CTNNA2: variants seen among roughly 807,000 people sequenced by gnomAD.
CTNNA2 encodes the protein catenin alpha 2, also known as catenin alpha-2.
In CTNNA2, 42 loss-of-function variants were observed where a neutral mutation model predicts 101.0. The observed-to-expected ratio is 0.42, with a 90% CI of 0.32 to 0.54. CTNNA2 has a LOEUF of 0.54. Among genes scored for constraint, CTNNA2 ranks in the 20% least tolerant of loss-of-function variants. The pLI, the probability that CTNNA2 is intolerant of heterozygous loss-of-function variation, is 0.14. For synonymous variants in CTNNA2, 450 were observed against 456.4 expected (o/e 0.99, Z 0.18); for missense variants, 871 against 1,223.1 (o/e 0.71, Z 4.29).
At chr2:79,337,033 C>G (rs1414527979) in intron 3 of CTNNA2, among the ~76,000 whole-genome samples, 1 of 152,176 alleles carries the variant, frequency 6.6e-6, no homozygotes, top group Non-Finnish European at 1.5e-5. Flanking sequence ...TGTTCCTCTA[C>G]TAGATGCCTT....
chr2:80,106,732 G>C (rs973840896), intron 7 of CTNNA2, among the ~76,000 whole-genome samples: 1 of 152,108 alleles, frequency 6.6e-6, no homozygotes, highest in Non-Finnish European at 1.5e-5. Flanking sequence ...TTCGCTGGCA[G>C]GTGCTTGAAA....
intron 1 of CTNNA2, among the ~76,000 whole-genome samples, chr2:79,520,327 A>G (rs1238924815): frequency 6.6e-6 from 1 of 152,194 alleles, no homozygotes; most frequent in Non-Finnish European, 1.5e-5. Context: ...ATCACAGAAT[A>G]TGTGCTCATT....
At chr2:79,262,809 G>A (rs1674940487) in intron 2 of CTNNA2, among the ~76,000 whole-genome samples, 2 of 152,076 alleles carry the variant, frequency 1.3e-5, no homozygotes, top group African/African-American at 4.8e-5. Flanking sequence ...TAATCAGCAG[G>A]TAAATTTAAT....
intron 7 of CTNNA2, among the ~76,000 whole-genome samples, chr2:80,032,333 A>G (rs1366662116): frequency 2.0e-5 from 3 of 152,186 alleles, no homozygotes; most frequent in Non-Finnish European, 4.4e-5. Context: ...ATGAAATATG[A>G]CTAAACAGAA....
At chr2:79,300,213 C>T (rs528169658) in intron 2 of CTNNA2, among the ~76,000 whole-genome samples, 1 of 152,246 alleles carries the variant, frequency 6.6e-6, no homozygotes, top group South Asian at 2.1e-4. Flanking sequence ...ACCCCGGCAA[C>T]CAGTGATGTT....
intron 7 of CTNNA2, among the ~76,000 whole-genome samples, chr2:79,912,759 C>T (rs899054069): frequency 3.9e-5 from 6 of 152,070 alleles, no homozygotes; most frequent in Non-Finnish European, 7.4e-5. Context: ...GGATGCGCGG[C>T]CTATAGATGT....
chr2:79,198,881 AT>A (rs1469459511), intron 2 of CTNNA2, among the ~76,000 whole-genome samples: 2 of 147,962 alleles, frequency 1.4e-5, no homozygotes, highest in East Asian at 4.2e-4. Context: ...TGTGTTTAAG[AT>A]TTTTATTTAA....
chr2:79,258,466 T>A (rs894637821), intron 2 of CTNNA2, among the ~76,000 whole-genome samples: 15 of 152,158 alleles, frequency 9.9e-5, no homozygotes, highest in African/African-American at 3.6e-4. Flanking sequence ...GCTCTGGACT[T>A]GAATCTGTAA....
chr2:80,223,274 G>A (rs554587232), intron 7 of CTNNA2, among the ~76,000 whole-genome samples: 2 of 152,270 alleles, frequency 1.3e-5, no homozygotes, highest in African/African-American at 2.4e-5. Flanking sequence ...TCAATAAAGC[G>A]ATAAACGAAA....
intron 7 of CTNNA2, among the ~76,000 whole-genome samples, chr2:80,085,306 C>T (rs964091450): frequency 5.3e-5 from 8 of 151,990 alleles, no homozygotes; most frequent in Non-Finnish European, 7.4e-5. Context: ...TGCACTTGTC[C>T]CCCAGAGCTT....
chr2:80,540,150 C>T (rs538631363), intron 9 of CTNNA2, among the ~76,000 whole-genome samples: 1 of 152,266 alleles, frequency 6.6e-6, no homozygotes, highest in African/African-American at 2.4e-5. Context: ...TCCACCATTC[C>T]TTTCCTCCTC....
chr2:79,341,675 T>C (rs1040378807), intron 3 of CTNNA2, among the ~76,000 whole-genome samples: 13 of 152,216 alleles, frequency 8.5e-5, no homozygotes, highest in Admixed American at 7.2e-4. Flanking sequence ...ATAATATGTC[T>C]CTCTTCAGAG....
chr2:79,579,539 G>A (rs371324095), intron 1 of CTNNA2, among the ~76,000 whole-genome samples: 1 of 152,146 alleles, frequency 6.6e-6, no homozygotes, highest in African/African-American at 2.4e-5. Context: ...AAATATAAAT[G>A]TATTTGCTTG....
At chr2:80,174,267 G>C (rs1320628031) in intron 7 of CTNNA2, among the ~76,000 whole-genome samples, 1 of 152,134 alleles carries the variant, frequency 6.6e-6, no homozygotes, top group Non-Finnish European at 1.5e-5. Context: ...ATATGATTTG[G>C]AGGGGTGAGA....
intron 7 of CTNNA2, among the ~76,000 whole-genome samples, chr2:80,157,559 C>T (rs1023456487): frequency 6.6e-6 from 1 of 152,002 alleles, no homozygotes; most frequent in Non-Finnish European, 1.5e-5. Context: ...TTATCAAAAC[C>T]GTATCAAGTG....
chr2:80,540,767 T>C (rs1691485227), intron 9 of CTNNA2, among the ~76,000 whole-genome samples: 1 of 152,160 alleles, frequency 6.6e-6, no homozygotes, highest in South Asian at 2.1e-4. Context: ...TGATCTCAGC[T>C]CACTGCAAAC....
intron 7 of CTNNA2, among the ~76,000 whole-genome samples, chr2:80,325,082 T>C (rs1351410585): frequency 6.6e-6 from 1 of 152,186 alleles, no homozygotes; most frequent in Non-Finnish European, 1.5e-5. Context: ...CTGTCCCACC[T>C]AGAAGAATGC....
At chr2:80,308,081 T>C (rs552519857) in intron 7 of CTNNA2, among the ~76,000 whole-genome samples, 1 of 152,320 alleles carries the variant, frequency 6.6e-6, no homozygotes, top group African/African-American at 2.4e-5. Flanking sequence ...CCTTGTAAAT[T>C]AGCCTTTGCC....
At chr2:79,415,143 G>A (rs1014994121) in intron 4 of CTNNA2, among the ~76,000 whole-genome samples, 3 of 152,092 alleles carry the variant, frequency 2.0e-5, no homozygotes, top group Admixed American at 1.3e-4. Flanking sequence ...CATGGCAATA[G>A]GTCCCTCATG....
Sources: allele counts gnomAD v4.1 joint callset (sites outside exome capture counted in the v4.1 genomes callset), GRCh38; gene constraint gnomAD v4.1.1; transcripts MANE v1.5; gene names NCBI Gene and HGNC (gene_info 2026-07-23, HGNC 2026-07-21).